Variants in CNTNAP5 observed in about 807,000 individuals in gnomAD.
CNTNAP5 encodes the protein contactin associated protein family member 5.
In CNTNAP5, 72 loss-of-function variants were observed where a neutral mutation model predicts 150.2. The observed-to-expected ratio is 0.48, with a 90% CI of 0.40 to 0.58. The LOEUF (loss-of-function observed/expected upper bound fraction) is 0.58, where lower values mean the gene tolerates loss of function less well. Ranked by LOEUF, CNTNAP5 falls within the 20% of genes least tolerant of loss-of-function variation. CNTNAP5 has a pLI of 0.00. For synonymous variants in CNTNAP5, 672 were observed against 619.8 expected, an observed-to-expected ratio of 1.08 and a Z score of -1.25; for missense variants, 1,636 against 1,626.2, an observed-to-expected ratio of 1.01 and a Z score of -0.10.
At chr2:124,475,342 T>G (rs1007330407) in intron 7 of CNTNAP5, among the ~76,000 whole-genome samples, 6 of 152,126 alleles carry the variant, frequency 3.9e-5, no homozygotes, top group African/African-American at 1.4e-4. Flanking sequence ...ATTTATCATA[T>G]TGACAAATTA....
At chr2:124,442,250 T>G (rs1310457932) in intron 5 of CNTNAP5, among the ~76,000 whole-genome samples, 1 of 152,040 alleles carries the variant, frequency 6.6e-6, no homozygotes, top group African/African-American at 2.4e-5. Flanking sequence ...TCCTGCCCAT[T>G]GAGATGGTGG....
At chr2:124,897,296 A>G (rs1404361011) in intron 21 of CNTNAP5, among the ~76,000 whole-genome samples, 1 of 151,506 alleles carries the variant, frequency 6.6e-6, no homozygotes, top group Non-Finnish European at 1.5e-5. Context: ...CATGGACATA[A>G]TGATCTCCCT....
intron 3 of CNTNAP5, among the ~76,000 whole-genome samples, chr2:124,263,361 G>T (rs373604960): frequency 1.9e-4 from 29 of 152,208 alleles, no homozygotes; most frequent in South Asian, 6.2e-4. Context: ...TGAGATGGTA[G>T]CTCATTGTGG....
chr2:124,025,685 C>G lies in CNTNAP5; in HGVS notation c.35C>G (p.Thr12Ser). The G allele has an allele frequency of 6.2e-7, 1 of 1,613,874 alleles. No individual in the cohort carries two copies. The highest frequency in any genetic ancestry group is 2.2e-5 in the East Asian group (1 of 44,850). ...TTACCACGGCTGACCAGCGTTTTGA[C>G]TTTGCTGTTCTCTGGCTTGTGGCAT... ...DSLPRLTSVLTLLFSGLWHLG... is the reference protein window; with the variant it reads ...DSLPRLTSVLSLLFSGLWHLG... Residue 12 changes from threonine to serine, a missense_variant, in exon 1 of 24, where the codon ACT becomes AGT. Transcript: ENST00000682447.
At chr2:124,646,722 T>G (rs1351793349) in intron 12 of CNTNAP5, among the ~76,000 whole-genome samples, 1 of 152,102 alleles carries the variant, frequency 6.6e-6, no homozygotes, top group East Asian at 1.9e-4. Context: ...TGTGGTTGCT[T>G]TTCCATATTA....
chr2:124,894,343 T>C (rs1374229371), intron 21 of CNTNAP5, among the ~76,000 whole-genome samples: 1 of 151,414 alleles, frequency 6.6e-6, no homozygotes, highest in Non-Finnish European at 1.5e-5. Flanking sequence ...AAAAAACCTC[T>C]CTTGGAATAT....
At chr2:124,072,902 G>C (rs2104666187) in intron 1 of CNTNAP5, among the ~76,000 whole-genome samples, 1 of 152,026 alleles carries the variant, frequency 6.6e-6, no homozygotes, top group South Asian at 2.1e-4. Flanking sequence ...AATAGCCAAA[G>C]CTATCTCAGC....
intron 10 of CNTNAP5, among the ~76,000 whole-genome samples, chr2:124,552,477 T>G (rs1695649690): frequency 6.6e-6 from 1 of 152,174 alleles, no homozygotes; most frequent in Admixed American, 6.5e-5. Flanking sequence ...CATCTTCTTT[T>G]GTCCAGCTGG....
At chr2:124,890,949 C>A (rs1678182090) in intron 21 of CNTNAP5, among the ~76,000 whole-genome samples, 1 of 152,008 alleles carries the variant, frequency 6.6e-6, no homozygotes, top group Non-Finnish European at 1.5e-5. Context: ...ATGTGCCAGG[C>A]AATGAGCTAA....
intron 13 of CNTNAP5, among the ~76,000 whole-genome samples, chr2:124,733,870 G>A (rs1680327233): frequency 6.6e-6 from 1 of 152,098 alleles, no homozygotes; most frequent in African/African-American, 2.4e-5. Flanking sequence ...CTTTGATGGG[G>A]GAGAGTGTTA....
intron 12 of CNTNAP5, among the ~76,000 whole-genome samples, chr2:124,635,716 G>T (rs144643861): frequency 6.6e-6 from 1 of 152,288 alleles, no homozygotes; most frequent in East Asian, 1.9e-4. Flanking sequence ...ATGAATCAAA[G>T]TAAGTCTAGA....
chr2:124,099,725 T>A (rs1683020706), intron 1 of CNTNAP5, among the ~76,000 whole-genome samples: 1 of 152,134 alleles, frequency 6.6e-6, no homozygotes, highest in Non-Finnish European at 1.5e-5. Flanking sequence ...AGGGAGCTTT[T>A]ACTCATGGAG....
chr2:124,715,240 G>A (rs1679919067), intron 13 of CNTNAP5, among the ~76,000 whole-genome samples: 1 of 152,144 alleles, frequency 6.6e-6, no homozygotes, highest in South Asian at 2.1e-4. Context: ...AACCATTGAG[G>A]ATATAGAAAT....
intron 3 of CNTNAP5, among the ~76,000 whole-genome samples, chr2:124,414,418 G>C (rs1691865446): frequency 6.6e-6 from 1 of 152,124 alleles, no homozygotes; most frequent in Non-Finnish European, 1.5e-5. Context: ...CTGGGACCAT[G>C]CATTGAAAAC....
At chr2:124,833,351 T>A (rs1265914917) in intron 19 of CNTNAP5, among the ~76,000 whole-genome samples, 1 of 152,122 alleles carries the variant, frequency 6.6e-6, no homozygotes, top group Non-Finnish European at 1.5e-5. Flanking sequence ...CACCTAGTCA[T>A]CTGCAAATGT....
chr2:124,028,135 A>G (rs1680947982), intron 1 of CNTNAP5, among the ~76,000 whole-genome samples: 1 of 152,206 alleles, frequency 6.6e-6, no homozygotes, highest in Admixed American at 6.5e-5. Flanking sequence ...TTGAAGTAAT[A>G]TGTCGTGACA....
chr2:124,526,801 A>G (rs1694978374), intron 9 of CNTNAP5, among the ~76,000 whole-genome samples: 1 of 152,190 alleles, frequency 6.6e-6, no homozygotes, highest in Non-Finnish European at 1.5e-5. Flanking sequence ...CTCAGGAACT[A>G]AGCCTGTTAA....
chr2:124,705,931 T>C (rs1363463803), intron 13 of CNTNAP5, among the ~76,000 whole-genome samples: 1 of 152,176 alleles, frequency 6.6e-6, no homozygotes, highest in Non-Finnish European at 1.5e-5. Context: ...TGAAAATAAC[T>C]GTGGACATCC....
chr2:124,127,687 G>A (rs910398857), intron 1 of CNTNAP5, among the ~76,000 whole-genome samples: 5 of 152,156 alleles, frequency 3.3e-5, no homozygotes, highest in Non-Finnish European at 7.3e-5. Context: ...AACCAAAACA[G>A]CATGGTACTG....
Sources: gnomAD v4.1 joint callset for allele counts (sites outside exome capture counted in the v4.1 genomes callset) on GRCh38, gnomAD v4.1.1 for gene constraint, MANE v1.5 for transcripts, NCBI Gene and HGNC (gene_info 2026-07-23, HGNC 2026-07-21) for gene names.